The following P2RX3 variants were observed in gnomAD, a reference collection of about 807,000 sequenced individuals.
P2RX3 encodes P2X purinoceptor 3.
In P2RX3, 41 loss-of-function variants were observed where a neutral mutation model predicts 51.5. That is an observed-to-expected ratio of 0.80 (90% CI 0.62 to 1.03). The LOEUF (loss-of-function observed/expected upper bound fraction) is 1.03, where lower values mean the gene tolerates loss of function less well. Among genes scored for constraint, P2RX3 ranks in the 50% least tolerant of loss-of-function variants. The pLI is 0.00. For missense variants in P2RX3, 459 were observed against 522.1 expected (o/e 0.88, Z 1.18); for synonymous variants, 185 against 191.6 (o/e 0.97, Z 0.29).
intron 8 of P2RX3, among the ~76,000 whole-genome samples, chr11:57,359,257 C>A (rs971514452): frequency 6.6e-5 from 10 of 152,184 alleles, no homozygotes; most frequent in African/African-American, 2.4e-4. Context: ...ATACCCCATC[C>A]CCTCCTTCCC....
At chr11:57,347,919 A>G (rs1856470987) in intron 4 of P2RX3, among the ~76,000 whole-genome samples, 1 of 152,186 alleles carries the variant, frequency 6.6e-6, no homozygotes, top group African/African-American at 2.4e-5. Flanking sequence ...GAGGCAAGGA[A>G]GGAAGCACAA....
intron 8 of P2RX3, among the ~76,000 whole-genome samples, chr11:57,364,767 A>C (rs995083540): frequency 6.6e-6 from 1 of 151,998 alleles, no homozygotes; most frequent in Non-Finnish European, 1.5e-5. Context: ...CACCACCTAG[A>C]CTTGAACTTA....
upstream of P2RX3, among the ~76,000 whole-genome samples, chr11:57,337,350 G>GAAAAAAAAAAAAAAAAAAAAA (rs11339711): frequency 4.1e-5 from 3 of 73,490 alleles, no homozygotes; most frequent in Non-Finnish European, 7.6e-5. Context: ...AGGAAAGAAA[G>GAAAAAAAAAAAAAAAAAAAAA]AAAAAAAAAA....
chr11:57,341,574 C>A (rs1305337747), intron 1 of P2RX3, among the ~76,000 whole-genome samples: 1 of 152,176 alleles, frequency 6.6e-6, no homozygotes, highest in East Asian at 1.9e-4. Context: ...ACGTGGTAAT[C>A]CCCACTCACC....
intron 5 of P2RX3, 169 bp downstream of exon 5, chr11:57,348,432 C>T (rs1856482891): frequency 2.8e-6 from 2 of 724,252 alleles, no homozygotes; most frequent in South Asian, 1.9e-5. Flanking sequence ...TTCCCCAGCC[C>T]ACCCACCTGC....
intron 8 of P2RX3, among the ~76,000 whole-genome samples, chr11:57,359,771 C>G (rs1262003480): frequency 6.6e-6 from 1 of 152,204 alleles, no homozygotes; most frequent in South Asian, 2.1e-4. Context: ...AGCCAGATTT[C>G]AGATCCCAGC....
At chr11:57,369,765 GT>G in intron 11 of P2RX3, 118 bp from the exon 12 acceptor site, 1 of 738,924 alleles carries the variant, frequency 1.4e-6, no homozygotes, top group Non-Finnish European at 2.4e-6. Context: ...TCACACAGAT[GT>G]CCTGGCTCCC....
chr11:57,359,354 G>A (rs1435284446), intron 8 of P2RX3, among the ~76,000 whole-genome samples: 1 of 152,178 alleles, frequency 6.6e-6, no homozygotes, highest in Non-Finnish European at 1.5e-5. Flanking sequence ...GGCTGCAGAG[G>A]TCCACCTGCA....
intron 8 of P2RX3, among the ~76,000 whole-genome samples, chr11:57,367,238 A>T (rs1856811126): frequency 6.6e-6 from 1 of 152,180 alleles, no homozygotes; most frequent in African/African-American, 2.4e-5. Context: ...GAGGAAATTG[A>T]GTCTCAGAGA....
intron 8 of P2RX3, among the ~76,000 whole-genome samples, chr11:57,353,424 G>T (rs893439448): frequency 6.6e-6 from 1 of 152,202 alleles, no homozygotes; most frequent in Non-Finnish European, 1.5e-5. Flanking sequence ...AAGCAAGCAA[G>T]AGGGGGAGCC....
intron 1 of P2RX3, among the ~76,000 whole-genome samples, chr11:57,342,317 G>A (rs1159551981): frequency 6.6e-6 from 1 of 151,758 alleles, no homozygotes; most frequent in East Asian, 1.9e-4. Flanking sequence ...GTGCCACGAC[G>A]CCCGGCTAAT....
chr11:57,342,295 G>A (rs1157640426), intron 1 of P2RX3, among the ~76,000 whole-genome samples: 2 of 151,722 alleles, frequency 1.3e-5, no homozygotes, highest in African/African-American at 2.4e-5. Context: ...CGGTAGCTGG[G>A]ATTACAGGCC....
At position 57,349,784 on chromosome 11, in the gene P2RX3, C is replaced by G; in HGVS notation, c.591C>G (p.Ala197=). 6.2e-7 allele frequency: 1 copy of G among 1,614,208 alleles called. No individual in the cohort carries two copies. The highest frequency in any genetic ancestry group is 2.2e-5 in the East Asian group (1 of 44,874). Residue 197 remains alanine (A), a synonymous_variant, in exon 7 of 12, where the codon GCC becomes GCG. Coordinates refer to ENST00000263314, the MANE Select transcript of P2RX3 (RefSeq NM_002559.5). ...EKGNLLPNLT[A]RDMKTCRFHP... is the part of the protein sequence containing the mutation. ...GAAACCTCCTTCCCAACCTGACAGC[C>G]AGGGACATGAAGACCTGCCGCTTCC...
intron 2 of P2RX3, 77 bp from the exon 3 acceptor site, chr11:57,347,039 G>C: frequency 7.2e-7 from 1 of 1,393,700 alleles, no homozygotes; most frequent in Non-Finnish European, 1.0e-6. Context: ...TCTGTAGAGT[G>C]GGGATAATCA....
intron 2 of P2RX3, 109 bp downstream of exon 2, chr11:57,346,788 A>G (rs1856442257): frequency 7.0e-7 from 1 of 1,436,588 alleles, no homozygotes; most frequent in Non-Finnish European, 9.4e-7. Context: ...AGAATCCATG[A>G]TGTCACTGAT....
intron 8 of P2RX3, among the ~76,000 whole-genome samples, chr11:57,364,395 C>A (rs1856766830): frequency 6.6e-6 from 1 of 152,190 alleles, no homozygotes. Flanking sequence ...AGAATCCCAG[C>A]TCTGGCAAGT....
Position 57,338,632 on chromosome 11 carries a change from C to T in P2RX3, c.82C>T (p.Arg28Ter), listed in dbSNP as rs751683530. 2.0e-5 allele frequency: 32 copies of T among 1,594,660 alleles called. No individual in the cohort carries two copies. Residue 28 changes from arginine (R) to a stop codon, truncating the protein, a stop_gained, in exon 1 of 12, where the codon CGA (arginine) becomes TGA (stop). Transcript: ENST00000263314. LOFTEE classifies it high-confidence loss of function. ...VKSWTIGIIN[R>*]VVQLLIISYF... The stretch of plus-strand genomic sequence containing the variant: ...GAGCTGGACCATCGGGATCATCAAC[C>T]GAGTAGTTCAGCTTCTGATCATCTC...
chr11:57,353,899 T>G (rs890202814), intron 8 of P2RX3, among the ~76,000 whole-genome samples: 1 of 24,820 alleles, frequency 4.0e-5, no homozygotes, highest in African/African-American at 3.3e-4. Flanking sequence ...TTTTGAGAAT[T>G]TATAGCTGTT....
At chr11:57,349,929 A>C in intron 7 of P2RX3, 31 bp downstream of exon 7, 3 of 1,612,886 alleles carry the variant, frequency 1.9e-6, no homozygotes, top group Non-Finnish European at 1.7e-6. Context: ...CCGCGACCCC[A>C]AACTCCCCAC....
Sources: gnomAD v4.1 joint callset for allele counts (sites outside exome capture counted in the v4.1 genomes callset) on GRCh38, gnomAD v4.1.1 for gene constraint, MANE v1.5 for transcripts, NCBI Gene and HGNC (gene_info 2026-07-23, HGNC 2026-07-21) for gene names.